NCKAP5: variants seen among roughly 807,000 people sequenced by gnomAD.
The protein encoded by NCKAP5 is NCK associated protein 5.
Under a neutral mutation model 167.0 loss-of-function variants are expected in NCKAP5, and 92 were observed. That is an observed-to-expected ratio of 0.55 (90% CI 0.47 to 0.66). NCKAP5 has a LOEUF of 0.66. NCKAP5 is among the 30% of genes least tolerant of loss of function. The pLI, the probability that NCKAP5 is intolerant of heterozygous loss-of-function variation, is 0.00. For synonymous variants in NCKAP5, 891 were observed against 877.4 expected (o/e 1.02, Z -0.27); for missense variants, 2,378 against 2,315.0 (o/e 1.03, Z -0.56).
chr2:132,982,422 T>G lies in NCKAP5; in HGVS notation c.429+11730A>C, dbSNP rs201774243. On this transcript the variant is annotated intron_variant, in intron 7 of 19. Coordinates refer to ENST00000409261, the MANE Select transcript of NCKAP5 (RefSeq NM_207363.3). ...AAACTTTTTCTCATTTAAATTCCTC[T>G]TCACAAATTCCCCAACCAGCACCTC... is the stretch of plus-strand genomic sequence containing the variant. Among the ~76,000 whole-genome samples, 35 of 152,336 alleles carry G rather than the reference T, an allele frequency of 2.3e-4. No individual in the cohort carries two copies. The East Asian group carries it at 6.6e-3, about 29-fold the overall frequency.
chr2:133,670,879 G>T, the NCKAP5 span, among the ~76,000 whole-genome samples: 11,053 of 152,188 alleles, frequency 0.073, 456 homozygotes, highest in African/African-American at 0.094. Context: ...AACATCTGTA[G>T]CAAAGGCCCT....
At chr2:133,436,619 T>C (rs1446231811) in intron 3 of NCKAP5, among the ~76,000 whole-genome samples, 1 of 152,156 alleles carries the variant, frequency 6.6e-6, no homozygotes, top group Admixed American at 6.5e-5. Flanking sequence ...CTACCTGTGC[T>C]TGTGACCTCT....
chr2:132,773,669 G>C (rs1682289310), intron 16 of NCKAP5, 147 bp downstream of exon 16: 2 of 643,030 alleles, frequency 3.1e-6, no homozygotes, highest in South Asian at 4.4e-5. Flanking sequence ...AACGTCCAAT[G>C]TCTAAGGAGA....
chr2:133,578,508 C>T, the NCKAP5 span, among the ~76,000 whole-genome samples: 1 of 152,206 alleles, frequency 6.6e-6, no homozygotes. Flanking sequence ...ACCCTTCTTC[C>T]CCAAGTGGCC....
At chr2:132,849,359 T>C (rs1408131900) in intron 11 of NCKAP5, among the ~76,000 whole-genome samples, 2 of 152,166 alleles carry the variant, frequency 1.3e-5, no homozygotes, top group African/African-American at 2.4e-5. Flanking sequence ...GTCACTTGGT[T>C]AAAAGCCCAT....
At chr2:133,283,547 C>T (rs947301115) in intron 4 of NCKAP5, among the ~76,000 whole-genome samples, 2 of 151,764 alleles carry the variant, frequency 1.3e-5, no homozygotes, top group African/African-American at 4.8e-5. Context: ...TAAATGTAAG[C>T]GCTACAGTTC....
chr2:133,037,303 A>T (rs560663167), intron 6 of NCKAP5, among the ~76,000 whole-genome samples: 15 of 152,240 alleles, frequency 9.9e-5, no homozygotes, highest in African/African-American at 3.6e-4. Flanking sequence ...AAATCCTAAA[A>T]TATATGTGGA....
intron 8 of NCKAP5, among the ~76,000 whole-genome samples, chr2:132,920,634 A>G (rs1695245079): frequency 7.3e-6 from 1 of 136,100 alleles, no homozygotes; most frequent in South Asian, 2.2e-4. Context: ...TGTTCCATTG[A>G]GAGCTTATAT....
At chr2:133,552,828 ACT>A (rs1171654147) in intron 2 of NCKAP5, among the ~76,000 whole-genome samples, 5 of 151,904 alleles carry the variant, frequency 3.3e-5, no homozygotes, top group South Asian at 4.2e-4. Context: ...ATGAACGAAC[ACT>A]CTTTTTACAG....
the NCKAP5 span, among the ~76,000 whole-genome samples, chr2:133,662,779 C>T: frequency 2.0e-5 from 3 of 151,024 alleles, no homozygotes; most frequent in East Asian, 4.0e-4. Flanking sequence ...TACAGGCATA[C>T]CATGGAGATA....
At chr2:132,765,612 A>G (rs1314994516) in intron 16 of NCKAP5, among the ~76,000 whole-genome samples, 1 of 151,718 alleles carries the variant, frequency 6.6e-6, no homozygotes. Flanking sequence ...GCATTTCTTA[A>G]ATGATAGTAA....
intron 11 of NCKAP5, among the ~76,000 whole-genome samples, chr2:132,838,870 A>G (rs1688090795): frequency 6.6e-6 from 1 of 152,232 alleles, no homozygotes; most frequent in Admixed American, 6.5e-5. Flanking sequence ...TATCCGTAAC[A>G]GTAATAAGCA....
intron 5 of NCKAP5, among the ~76,000 whole-genome samples, chr2:133,159,918 A>G (rs919330639): frequency 1.3e-5 from 2 of 152,106 alleles, no homozygotes; most frequent in Admixed American, 1.3e-4. Flanking sequence ...CTCTAGGCAA[A>G]AGTATGATGG....
chr2:132,822,802 T>TA (rs1265314442), intron 11 of NCKAP5, among the ~76,000 whole-genome samples: 6 of 150,486 alleles, frequency 4.0e-5, no homozygotes, highest in Non-Finnish European at 7.4e-5. Flanking sequence ...CTTCAAGAAA[T>TA]AAAAAAAATG....
intron 3 of NCKAP5, among the ~76,000 whole-genome samples, chr2:133,314,772 TAGAGA>T (rs755344206): frequency 6.6e-6 from 1 of 151,610 alleles, no homozygotes; most frequent in Admixed American, 6.6e-5. Flanking sequence ...AAAAACAAAA[TAGAGA>T]AGAGGAAAGG....
intron 4 of NCKAP5, among the ~76,000 whole-genome samples, chr2:133,231,989 A>T (rs2087172543): frequency 6.6e-6 from 1 of 152,314 alleles, no homozygotes; most frequent in African/African-American, 2.4e-5. Context: ...TACAGAAAGG[A>T]CACACTTTTT....
chr2:133,027,753 C>T (rs2078747236), intron 6 of NCKAP5, among the ~76,000 whole-genome samples: 1 of 152,180 alleles, frequency 6.6e-6, no homozygotes, highest in African/African-American at 2.4e-5. Flanking sequence ...TGCTAACATA[C>T]AATTTATAAA....
At position 132,672,956 on chromosome 2, in the gene NCKAP5, A is replaced by AGC; in HGVS notation, c.*332_*333insGC. The stretch of plus-strand genomic sequence containing the variant: ...TATTGTTATCTCTATCAAGCGGTGC[A>AGC]CCCCCCACCCCCCACCCATCATTTC... On this transcript the variant is annotated 3_prime_UTR_variant, in exon 20 of 20. Coordinates refer to ENST00000409261, the MANE Select transcript of NCKAP5 (RefSeq NM_207363.3). The AGC allele has an allele frequency of 4.5e-6, 1 of 221,548 alleles. No individual in the cohort carries two copies. The highest frequency in any genetic ancestry group is 2.9e-5 in the African/African-American group (1 of 34,276). The allele number at this position is 221,548 out of a possible 1,614,324, so 13.7% of individuals were successfully genotyped here. A position where few individuals can be genotyped will look rare whatever the true frequency, so the allele number is the denominator to read the frequency against.
Position 132,782,913 on chromosome 2 carries a change from G to C in NCKAP5, c.3898C>G (p.Gln1300Glu), listed in dbSNP as rs773771235. The change falls in exon 14 of 20, where the codon CAG becomes GAG. Residue 1300 changes from glutamine to glutamate, a missense_variant. Coordinates refer to ENST00000409261, the MANE Select transcript of NCKAP5 (RefSeq NM_207363.3). ...CTCTCGGCGGTATTGGTAATGATCT[G>C]AGTGCGGACTTTGCCTGACCCTTCG... ...PIEGSGKVRT[Q>E]IITNTAERGN... 1 of 1,614,016 alleles carries C rather than the reference G, an allele frequency of 6.2e-7. No homozygotes were observed. The highest frequency in any genetic ancestry group is 1.1e-5 in the South Asian group (1 of 91,080).
Sources: gnomAD v4.1 joint callset for allele counts (sites outside exome capture counted in the v4.1 genomes callset) on GRCh38, gnomAD v4.1.1 for gene constraint, MANE v1.5 for transcripts, NCBI Gene and HGNC (gene_info 2026-07-23, HGNC 2026-07-21) for gene names.